Variants in RBFOX1 observed in about 807,000 individuals in gnomAD.
RBFOX1 encodes RNA binding fox-1 homolog 1, also known as RNA binding protein fox-1 homolog 1.
RBFOX1 carries 8 observed loss-of-function variants against 57.7 expected under a neutral mutation model. The ratio of observed to expected loss-of-function variants is 0.14; its 90% CI spans 0.08 to 0.25. The LOEUF is 0.25. Ranked by LOEUF, RBFOX1 falls within the 10% of genes least tolerant of loss-of-function variation. The pLI is 1.00. For missense variants in RBFOX1, 611 were observed against 548.5 expected, an observed-to-expected ratio of 1.11 and a Z score of -1.14; for synonymous variants, 326 against 222.4, an observed-to-expected ratio of 1.47 and a Z score of -4.15.
At chr16:6,201,652 ATAAC>A (rs2097216253) in intron 1 of RBFOX1, among the ~76,000 whole-genome samples, 1 of 152,174 alleles carries the variant, frequency 6.6e-6, no homozygotes, top group African/African-American at 2.4e-5. Context: ...ATTTTCTAAA[ATAAC>A]TAAAAGAGTG....
At chr16:5,490,464 A>C (rs2042789640) in intron 2 of RBFOX1, among the ~76,000 whole-genome samples, 2 of 152,226 alleles carry the variant, frequency 1.3e-5, no homozygotes, top group South Asian at 2.1e-4. Context: ...TTGTGGAGGC[A>C]GAGAGAGGCG....
intron 1 of RBFOX1, among the ~76,000 whole-genome samples, chr16:5,316,412 A>G (rs1034428935): frequency 1.3e-5 from 2 of 152,172 alleles, no homozygotes; most frequent in African/African-American, 4.8e-5. Flanking sequence ...GGCAGTCTCC[A>G]GTGAATAGGT....
intron 4 of RBFOX1, among the ~76,000 whole-genome samples, chr16:7,150,256 G>T (rs550958707): frequency 6.6e-6 from 1 of 152,156 alleles, no homozygotes; most frequent in African/African-American, 2.4e-5. Context: ...TAAAAGAGAC[G>T]CCTCCACCTA....
In RBFOX1 at chr16:6,584,795, G is replaced by T. The variant is rs921058273; in HGVS notation, c.-63-69808G>T. Among the ~76,000 whole-genome samples the T allele has an allele frequency of 3.1e-4, 47 of 152,142 alleles. 1 individual carries two copies. The highest frequency in any genetic ancestry group is 1.0e-3 in the African/African-American group (43 of 41,432). ...ACCAGCCTGGCACCGATCACTGAAG[G>T]ATTGTGATTAAGTCAGATGGTTTTG... is the stretch of plus-strand genomic sequence containing the variant. On this transcript the variant is annotated intron_variant, in intron 2 of 15. Transcript: ENST00000550418.
chr16:6,684,702 CACCTTAA>C (rs1235942728), intron 3 of RBFOX1, among the ~76,000 whole-genome samples: 1 of 152,152 alleles, frequency 6.6e-6, no homozygotes, highest in African/African-American at 2.4e-5. Context: ...AATTAAAGAT[CACCTTAA>C]ATTGTGCATG....
chr16:7,067,805 G>A (rs530000167), intron 4 of RBFOX1, among the ~76,000 whole-genome samples: 24 of 150,832 alleles, frequency 1.6e-4, no homozygotes, highest in Non-Finnish European at 2.7e-4. Context: ...TTGTCCTTGC[G>A]ATAGTTTACT....
chr16:7,570,710 C>T (rs1465663619), intron 5 of RBFOX1, among the ~76,000 whole-genome samples: 1 of 152,108 alleles, frequency 6.6e-6, no homozygotes, highest in East Asian at 1.9e-4. Flanking sequence ...CCAGAAATAC[C>T]ATTTTACCTG....
rs1338714357 is a variant in RBFOX1 at position 6,699,200 on chromosome 16, G to A, written c.-16+44550G>A. On this transcript the variant is annotated intron_variant, in intron 3 of 15. Coordinates refer to ENST00000550418, the MANE Select transcript of RBFOX1 (RefSeq NM_018723.4). Reference sequence around the variant, plus strand: ...TAAACCATTTTTATCAGTATGCAAGGCAGCATATGGACTACTGTTCTGGGA... The same window carrying A: ...TAAACCATTTTTATCAGTATGCAAGACAGCATATGGACTACTGTTCTGGGA... Among the ~76,000 whole-genome samples the A allele has an allele frequency of 2.6e-5, 4 of 152,034 alleles. No homozygotes were observed. In the East Asian group the frequency reaches 7.7e-4, roughly 29 times the overall value.
At chr16:7,709,771 A>G (rs1158003398) in intron 15 of RBFOX1, 1 of 1,169,720 alleles carries the variant, frequency 8.5e-7, no homozygotes, top group Non-Finnish European at 1.1e-6. Context: ...GGAGGGTAAA[A>G]AATGGGAGGT....
intron 3 of RBFOX1, among the ~76,000 whole-genome samples, chr16:5,805,067 A>G (rs1417015165): frequency 2.0e-5 from 3 of 152,130 alleles, no homozygotes; most frequent in Non-Finnish European, 1.5e-5. Context: ...AGTTGTTTGA[A>G]TCAAAAGAAG....
intron 2 of RBFOX1, among the ~76,000 whole-genome samples, chr16:5,476,714 C>G (rs1195835914): frequency 6.6e-6 from 1 of 152,210 alleles, no homozygotes; most frequent in Non-Finnish European, 1.5e-5. Flanking sequence ...TATCGCTGCA[C>G]AAACCACCAG....
At chr16:5,735,610 G>GAA (rs1173062905) in intron 3 of RBFOX1, among the ~76,000 whole-genome samples, 2 of 152,168 alleles carry the variant, frequency 1.3e-5, no homozygotes, top group Admixed American at 1.3e-4. Context: ...ATAAGTACGT[G>GAA]CATGGGCCGG....
intron 3 of RBFOX1, among the ~76,000 whole-genome samples, chr16:5,826,434 T>C (rs1176872557): frequency 1.3e-5 from 2 of 152,182 alleles, no homozygotes; most frequent in Non-Finnish European, 2.9e-5. Flanking sequence ...GGCAAACTAT[T>C]TCTGAAAAAG....
chr16:5,279,289 TTTTTTGTTTTTG>T (rs796985604), intron 1 of RBFOX1, among the ~76,000 whole-genome samples: 9 of 152,062 alleles, frequency 5.9e-5, no homozygotes, highest in East Asian at 3.8e-4. Flanking sequence ...ATTGTCGAGG[TTTTTTGTTTTTG>T]TTTTTGTTTT....
rs71404590 is a variant in RBFOX1, at chr16:6,143,959, C to CCACA, written c.-127+123967_-127+123968insCACA. Among the ~76,000 whole-genome samples the CCACA allele has an allele frequency of 3.9e-4, 54 of 139,960 alleles. 2 individuals are homozygous for CCACA. Among genetic ancestry groups the CCACA allele is most frequent in the African/African-American group, 1.4e-3 (50 of 35,636 alleles). The allele number at this position is 139,960 out of a possible 152,430, so 91.8% of individuals were successfully genotyped here. A position where few individuals can be genotyped will look rare whatever the true frequency, so the allele number is the denominator to read the frequency against. ...TGCAGGTGTGCAACACCATACTCAG[C>CCACA]TATATATATATATATATATATATCT... On this transcript the variant is annotated intron_variant, in intron 1 of 15. Coordinates refer to ENST00000550418, the MANE Select transcript of RBFOX1 (RefSeq NM_018723.4).
At chr16:5,469,486 C>G (rs2069061544) in intron 2 of RBFOX1, among the ~76,000 whole-genome samples, 14 of 152,122 alleles carry the variant, frequency 9.2e-5, no homozygotes, top group Admixed American at 9.2e-4. Context: ...ACCATTGTTT[C>G]CCTCTTTATT....
At chr16:6,897,777 G>C (rs935452991) in intron 3 of RBFOX1, among the ~76,000 whole-genome samples, 31 of 152,140 alleles carry the variant, frequency 2.0e-4, no homozygotes, top group Middle Eastern at 3.4e-3. Context: ...TTGGATGACA[G>C]AGCGAGATTC....
intron 3 of RBFOX1, among the ~76,000 whole-genome samples, chr16:6,817,532 TAAAAAAAAA>T (rs71145302): frequency 8.6e-5 from 11 of 127,580 alleles, no homozygotes; most frequent in African/African-American, 3.3e-4. Flanking sequence ...TTTCTTTGCT[TAAAAAAAAA>T]AAAAAAAAAA....
chr16:6,056,312 G>A (rs935997441), intron 1 of RBFOX1, among the ~76,000 whole-genome samples: 1 of 152,182 alleles, frequency 6.6e-6, no homozygotes, highest in Non-Finnish European at 1.5e-5. Context: ...TTCAAGTGAG[G>A]TTTTGGAATC....
Sources: gnomAD v4.1 joint callset for allele counts (sites outside exome capture counted in the v4.1 genomes callset) on GRCh38, gnomAD v4.1.1 for gene constraint, MANE v1.5 for transcripts, NCBI Gene and HGNC (gene_info 2026-07-23, HGNC 2026-07-21) for gene names.